The following RPS6KC1 variants were observed in gnomAD, a reference collection of about 807,000 sequenced individuals.
The protein encoded by RPS6KC1 is ribosomal protein S6 kinase C1.
RPS6KC1 carries 54 observed loss-of-function variants against 103.8 expected under a neutral mutation model. That is an observed-to-expected ratio of 0.52 (90% CI 0.42 to 0.65). RPS6KC1 has a LOEUF of 0.65. Among genes scored for constraint, RPS6KC1 ranks in the 30% least tolerant of loss-of-function variants. The pLI, the probability that RPS6KC1 is intolerant of heterozygous loss-of-function variation, is 0.00. For missense variants in RPS6KC1, 1,151 were observed against 1,253.8 expected, an observed-to-expected ratio of 0.92 and a Z score of 1.24; for synonymous variants, 439 against 438.7, an observed-to-expected ratio of 1.00 and a Z score of -0.01.
At chr1:213,108,720 A>G (rs761277546) in intron 4 of RPS6KC1, among the ~76,000 whole-genome samples, 38 of 151,488 alleles carry the variant, frequency 2.5e-4, no homozygotes, top group Non-Finnish European at 4.9e-4. Context: ...CAATGGCACA[A>G]TAATAGCTCA....
chr1:213,768,164 A>C, the RPS6KC1 span, among the ~76,000 whole-genome samples: 1 of 152,156 alleles, frequency 6.6e-6, no homozygotes, highest in African/African-American at 2.4e-5. Flanking sequence ...TCATGTGGCA[A>C]ATTCTATCAT....
chr1:213,808,253 T>C, the RPS6KC1 span, among the ~76,000 whole-genome samples: 1 of 152,202 alleles, frequency 6.6e-6, no homozygotes, highest in African/African-American at 2.4e-5. Context: ...GAGGAGGCAG[T>C]CTGCCCGTTC....
the RPS6KC1 span, among the ~76,000 whole-genome samples, chr1:213,485,304 A>C: frequency 6.6e-6 from 1 of 152,300 alleles, no homozygotes; most frequent in East Asian, 1.9e-4. Context: ...TTTATCTACC[A>C]ACTCTCTATC....
the RPS6KC1 span, among the ~76,000 whole-genome samples, chr1:213,389,270 A>G: frequency 6.6e-6 from 1 of 152,138 alleles, no homozygotes; most frequent in African/African-American, 2.4e-5. Context: ...AGAGTTGGAG[A>G]TGTACTGCCA....
the RPS6KC1 span, among the ~76,000 whole-genome samples, chr1:213,397,588 T>TACACACACACACAC: frequency 1.8e-3 from 246 of 140,460 alleles, 1 homozygote; most frequent in Non-Finnish European, 2.0e-3. Flanking sequence ...CAGGAACACA[T>TACACACACACACAC]ACACACACAC....
At chr1:213,272,297 T>TCA (rs1390285609) in intron 14 of RPS6KC1, among the ~76,000 whole-genome samples, 1 of 152,226 alleles carries the variant, frequency 6.6e-6, no homozygotes, top group African/African-American at 2.4e-5. Flanking sequence ...CTCAAGGCCA[T>TCA]GTTTCCCATC....
At chr1:213,464,540 T>TA in the RPS6KC1 span, among the ~76,000 whole-genome samples, 4 of 152,092 alleles carry the variant, frequency 2.6e-5, no homozygotes, top group Admixed American at 6.5e-5. Flanking sequence ...TCAGTGCTTT[T>TA]AAAAAAATAT....
At chr1:213,514,644 C>G in the RPS6KC1 span, among the ~76,000 whole-genome samples, 13 of 152,118 alleles carry the variant, frequency 8.5e-5, no homozygotes, top group South Asian at 6.2e-4. Flanking sequence ...GGACATTTGG[C>G]TTGGTTCCAA....
intron 10 of RPS6KC1, among the ~76,000 whole-genome samples, chr1:213,235,345 A>G (rs1399745721): frequency 1.3e-5 from 2 of 152,210 alleles, no homozygotes; most frequent in South Asian, 2.1e-4. Context: ...AGCTTACATT[A>G]CATTACATTA....
chr1:213,293,186 C>G, the RPS6KC1 span, among the ~76,000 whole-genome samples: 1 of 152,172 alleles, frequency 6.6e-6, no homozygotes, highest in South Asian at 2.1e-4. Context: ...TTCTGAATTT[C>G]TGTGTTAATT....
chr1:213,448,112 C>T, the RPS6KC1 span, among the ~76,000 whole-genome samples: 5 of 149,668 alleles, frequency 3.3e-5, no homozygotes, highest in African/African-American at 9.8e-5. Context: ...GTGGAATGTG[C>T]GTGTAGTCCC....
chr1:213,493,498 A>G, the RPS6KC1 span, among the ~76,000 whole-genome samples: 507 of 152,366 alleles, frequency 3.3e-3, 2 homozygotes, highest in Non-Finnish European at 4.7e-3. Context: ...ACCATAAAAA[A>G]GGACTGCACA....
chr1:213,153,340 G>C (rs576484524), intron 6 of RPS6KC1, among the ~76,000 whole-genome samples: 1 of 152,144 alleles, frequency 6.6e-6, no homozygotes, highest in East Asian at 1.9e-4. Flanking sequence ...CAGGGGCAGA[G>C]GCAGAGGCAT....
chr1:213,058,694 T>C (rs2077560908), intron 1 of RPS6KC1, among the ~76,000 whole-genome samples: 1 of 152,210 alleles, frequency 6.6e-6, no homozygotes, highest in African/African-American at 2.4e-5. Flanking sequence ...GGCAATATTG[T>C]TTCTCCAATT....
chr1:213,599,995 T>G, the RPS6KC1 span, among the ~76,000 whole-genome samples: 1 of 139,000 alleles, frequency 7.2e-6, no homozygotes, highest in African/African-American at 2.7e-5. Context: ...GGGAGGGAGG[T>G]GACTGGATCA....
chr1:213,412,535 C>T, the RPS6KC1 span, among the ~76,000 whole-genome samples: 2 of 152,228 alleles, frequency 1.3e-5, no homozygotes, highest in Admixed American at 6.5e-5. Flanking sequence ...TTGTAGCGGT[C>T]CCTGCTTTCC....
At chr1:213,856,533 A>G in the RPS6KC1 span, among the ~76,000 whole-genome samples, 3 of 124,986 alleles carry the variant, frequency 2.4e-5, no homozygotes, top group Admixed American at 3.0e-4. Context: ...TCCTTCCTCC[A>G]TTTCCTTTCT....
intron 6 of RPS6KC1, among the ~76,000 whole-genome samples, chr1:213,151,054 C>T: frequency 6.9e-6 from 1 of 145,072 alleles, no homozygotes; most frequent in Non-Finnish European, 1.5e-5. Context: ...CTCCTCACTT[C>T]CCAGTAGGGG....
chr1:213,544,916 A>C, the RPS6KC1 span, among the ~76,000 whole-genome samples: 589 of 152,316 alleles, frequency 3.9e-3, 7 homozygotes, highest in African/African-American at 0.014. Flanking sequence ...CCAGTTCATC[A>C]GCATCACACT....
Sources: allele counts gnomAD v4.1 joint callset (sites outside exome capture counted in the v4.1 genomes callset), GRCh38; gene constraint gnomAD v4.1.1; transcripts MANE v1.5; gene names NCBI Gene and HGNC (gene_info 2026-07-23, HGNC 2026-07-21).